Variants in TC2N observed in about 807,000 individuals in gnomAD.
The protein encoded by TC2N is tandem C2 domains, nuclear, also known as tandem C2 domains nuclear protein.
A neutral mutation model predicts 61.9 loss-of-function variants in TC2N; 51 were observed. The ratio of observed to expected loss-of-function variants is 0.82; its 90% CI spans 0.66 to 1.04. TC2N has a LOEUF of 1.04. Ranked by LOEUF, TC2N falls within the 50% of genes least tolerant of loss-of-function variation. The probability of loss-of-function intolerance (pLI) is 0.00; values close to 1 mark genes in which losing one functional copy is unlikely to be tolerated. For synonymous variants in TC2N, 204 were observed against 192.6 expected (o/e 1.06, Z -0.49); for missense variants, 556 against 566.7 (o/e 0.98, Z 0.19).
At chr14:91,811,639 T>C (rs78536402) in intron 3 of TC2N, among the ~76,000 whole-genome samples, 2,285 of 152,186 alleles carry the variant, frequency 0.015, 52 homozygotes, top group African/African-American at 0.05. Context: ...AACCAAATAT[T>C]AGAAATTAAT....
In TC2N at chr14:91,803,146, T is replaced by C. The variant is rs182185389; in HGVS notation, c.302-725A>G. Among the ~76,000 whole-genome samples, 432 of 152,098 alleles carry C rather than the reference T, an allele frequency of 2.8e-3. 1 individual carries two copies. Among genetic ancestry groups the C allele is most frequent in the Non-Finnish European group, 4.7e-3 (320 of 67,974 alleles). On this transcript the variant is annotated intron_variant, in intron 3 of 11. Coordinates refer to ENST00000435962, the MANE Select transcript of TC2N (RefSeq NM_001128596.3). ...GCACAAGAAAGAATGATCTTTTCAC[T>C]AAAAGGTGATAAGACAACTGGATAT...
intron 1 of TC2N, among the ~76,000 whole-genome samples, chr14:91,820,610 G>A (rs146614651): frequency 6.6e-6 from 1 of 151,192 alleles, no homozygotes; most frequent in East Asian, 1.9e-4. Context: ...TTCTAGCTAA[G>A]CCAATTAGGC....
At chr14:91,860,273 C>G (rs1237782904) in intron 1 of TC2N, among the ~76,000 whole-genome samples, 3 of 150,820 alleles carry the variant, frequency 2.0e-5, no homozygotes, top group Non-Finnish European at 4.4e-5. Flanking sequence ...GAAAATTGTT[C>G]CTGGAGATGT....
In TC2N at chr14:91,782,985, T is replaced by C; in HGVS notation, c.*115A>G. On this transcript the variant is annotated 3_prime_UTR_variant, in exon 12 of 12. Coordinates refer to ENST00000435962, the MANE Select transcript of TC2N (RefSeq NM_001128596.3). ...TCAGATACATTATATACCATAATTA[T>C]AGCCCCCATAAATTGACAAATTTGT... is the stretch of plus-strand genomic sequence containing the variant. 6.1e-6 allele frequency: 4 copies of C among 659,734 alleles called. No individual in the cohort carries two copies. Among genetic ancestry groups the C allele is most frequent in the African/African-American group, 1.8e-5 (1 of 54,970 alleles). The allele number at this position is 659,734 out of a possible 1,614,324, so 40.9% of individuals were successfully genotyped here.
At chr14:91,852,474 C>A (rs765612293) in intron 1 of TC2N, among the ~76,000 whole-genome samples, 30 of 152,086 alleles carry the variant, frequency 2.0e-4, no homozygotes, top group Non-Finnish European at 3.1e-4. Context: ...CTTTTTCAAT[C>A]GGGAAACCTG....
At chr14:91,799,474 G>A (rs1886109421) in intron 5 of TC2N, among the ~76,000 whole-genome samples, 1 of 152,148 alleles carries the variant, frequency 6.6e-6, no homozygotes, top group Non-Finnish European at 1.5e-5. Context: ...GAACTTGGTA[G>A]CAATACAAAC....
intron 9 of TC2N, among the ~76,000 whole-genome samples, chr14:91,788,518 T>C (rs901460615): frequency 3.9e-5 from 6 of 152,182 alleles, no homozygotes; most frequent in African/African-American, 1.4e-4. Context: ...AAAGTCTTTG[T>C]TAGTACTGAT....
Position 91,802,454 on chromosome 14 carries a change from T to A in TC2N, c.302-33A>T, listed in dbSNP as rs145967017. On this transcript the variant is annotated intron_variant, in intron 3 of 11. Coordinates refer to ENST00000435962, the MANE Select transcript of TC2N (RefSeq NM_001128596.3). ...CAAATGTTTCTAAAAGTTTATAACA[T>A]CCTTTTCTTGGAGTTATTAGCCAAC... 2.6e-4 allele frequency: 417 copies of A among 1,600,674 alleles called. No individual in the cohort carries two copies. The African/African-American group carries it at 5.0e-3, about 19-fold the overall frequency.
At chr14:91,817,052 T>C (rs1566776691) in intron 1 of TC2N, among the ~76,000 whole-genome samples, 2 of 152,152 alleles carry the variant, frequency 1.3e-5, no homozygotes, top group East Asian at 3.9e-4. Flanking sequence ...AGGAAAAATC[T>C]GATGGTACTT....
intron 4 of TC2N, among the ~76,000 whole-genome samples, chr14:91,801,690 A>G (rs2402071): frequency 0.86 from 131,332 of 152,218 alleles, 58,809 homozygotes; most frequent in Non-Finnish European, 0.97. Context: ...AACAACAACA[A>G]CAAAAAGACA....
At chr14:91,794,760 T>C (rs1486151101) in intron 8 of TC2N, among the ~76,000 whole-genome samples, 1 of 152,192 alleles carries the variant, frequency 6.6e-6, no homozygotes, top group African/African-American at 2.4e-5. Context: ...GTTATTTTCA[T>C]GTCTGCAAAC....
intron 1 of TC2N, among the ~76,000 whole-genome samples, chr14:91,849,838 A>G (rs1443345749): frequency 1.3e-5 from 2 of 152,176 alleles, no homozygotes; most frequent in Non-Finnish European, 2.9e-5. Flanking sequence ...ACCGGAGGTC[A>G]GGAGTTTGAG....
Position 91,781,717 on chromosome 14 carries a change from G to A in TC2N, c.*1383C>T, listed in dbSNP as rs555108025. The A allele has an allele frequency of 3.9e-5, 6 of 152,222 alleles. No individual in the cohort carries two copies. In the East Asian group the frequency reaches 1.2e-3, roughly 29 times the overall value. The allele number at this position is 152,222 out of a possible 1,614,324, so 9.4% of individuals were successfully genotyped here. A position where few individuals can be genotyped will look rare whatever the true frequency, so the allele number is the denominator to read the frequency against. On this transcript the variant is annotated 3_prime_UTR_variant, in exon 12 of 12. Coordinates refer to ENST00000435962, the MANE Select transcript of TC2N (RefSeq NM_001128596.3). Reference sequence around the variant, plus strand: ...ATATTTCAAAATGTTCAGTGGCAGAGAGTACTGGTACCACAAAATCAGAGC... The same window carrying A: ...ATATTTCAAAATGTTCAGTGGCAGAAAGTACTGGTACCACAAAATCAGAGC...
chr14:91,860,357 C>A (rs1595280864), intron 1 of TC2N, among the ~76,000 whole-genome samples: 1 of 151,178 alleles, frequency 6.6e-6, no homozygotes, highest in Middle Eastern at 3.2e-3. Context: ...GTTGGATTAA[C>A]CTTTATACAA....
chr14:91,790,137 T>C (rs1885574561), intron 9 of TC2N, among the ~76,000 whole-genome samples: 1 of 152,352 alleles, frequency 6.6e-6, no homozygotes, highest in Admixed American at 6.5e-5. Context: ...TCACGTAGCA[T>C]TGAGGCAGCC....
chr14:91,825,099 G>A (rs534112745), intron 1 of TC2N, among the ~76,000 whole-genome samples: 10 of 130,080 alleles, frequency 7.7e-5, no homozygotes, highest in East Asian at 7.6e-4. Context: ...GCAGTGGTGC[G>A]ATCTTGGCTC....
chr14:91,844,210 C>T (rs1030221017), intron 1 of TC2N, among the ~76,000 whole-genome samples: 1 of 152,150 alleles, frequency 6.6e-6, no homozygotes, highest in African/African-American at 2.4e-5. Flanking sequence ...TCCTAAGTAA[C>T]ATCCCCCCAG....
At chr14:91,804,586 AAACT>A (rs1229757682) in intron 3 of TC2N, among the ~76,000 whole-genome samples, 1 of 152,198 alleles carries the variant, frequency 6.6e-6, no homozygotes, top group Non-Finnish European at 1.5e-5. Flanking sequence ...ATACAAAAAC[AAACT>A]AAAACTACTG....
chr14:91,792,463 C>T lies in TC2N; in HGVS notation c.951G>A (p.Arg317=), dbSNP rs778120721. 11 of 1,611,224 alleles carry T rather than the reference C, an allele frequency of 6.8e-6. No individual in the cohort carries two copies. Among genetic ancestry groups the T allele is most frequent in the Non-Finnish European group, 9.3e-6 (11 of 1,178,290 alleles). Residue 317 remains arginine, a synonymous_variant, in exon 9 of 12, where the codon AGG becomes AGA. Transcript: ENST00000435962. Reference sequence around the variant, plus strand: ...TTGAGCATTCTCCAATGGTTTTCTTCCTGGGAGTCTGGGTTTGAATCTTAA... The same window carrying T: ...TTGAGCATTCTCCAATGGTTTTCTTTCTGGGAGTCTGGGTTTGAATCTTAA... The part of the protein sequence containing the change: ...LVFKIQTQTP[R]KKTIGECSMS...
Sources: gnomAD v4.1 joint callset for allele counts (sites outside exome capture counted in the v4.1 genomes callset) on GRCh38, gnomAD v4.1.1 for gene constraint, MANE v1.5 for transcripts, NCBI Gene and HGNC (gene_info 2026-07-23, HGNC 2026-07-21) for gene names.